ADK: variants seen among roughly 807,000 people sequenced by gnomAD.
ADK encodes the protein adenosine kinase, also known as N6,N6-dimethyladenosine kinase.
ADK carries 24 observed loss-of-function variants against 44.7 expected under a neutral mutation model. The observed-to-expected ratio is 0.54, with a 90% CI of 0.39 to 0.76. The LOEUF is 0.76. ADK is among the 30% of genes least tolerant of loss of function. The pLI, the probability that ADK is intolerant of heterozygous loss-of-function variation, is 0.00. For missense variants in ADK, 321 were observed against 425.1 expected (o/e 0.76, Z 2.15); for synonymous variants, 128 against 142.6 (o/e 0.90, Z 0.73).
intron 7 of ADK, among the ~76,000 whole-genome samples, chr10:74,554,689 A>T (rs888120795): frequency 6.6e-6 from 1 of 152,112 alleles, no homozygotes; most frequent in African/African-American, 2.4e-5. Context: ...TCATGCCTGA[A>T]ATCCTAGCAC....
chr10:74,670,530 T>C (rs1855131380), intron 10 of ADK, among the ~76,000 whole-genome samples: 1 of 152,196 alleles, frequency 6.6e-6, no homozygotes, highest in South Asian at 2.1e-4. Context: ...TGTCAGAAAA[T>C]TGCATAAACA....
chr10:74,372,188 G>C, intron 4 of ADK: 1 of 757,844 alleles, frequency 1.3e-6, no homozygotes, highest in Non-Finnish European at 2.4e-6. Context: ...CTGCTGAAAA[G>C]GCTGTGACCA....
chr10:74,481,477 T>C (rs1373481346), intron 6 of ADK, among the ~76,000 whole-genome samples: 2 of 152,200 alleles, frequency 1.3e-5, no homozygotes, highest in Non-Finnish European at 2.9e-5. Context: ...TCCATTTCTT[T>C]GATGGTTGCA....
chr10:74,371,945 A>G lies in ADK; in HGVS notation c.274-22196A>G, dbSNP rs200999057. 1.5e-5 allele frequency: 17 copies of G among 1,155,840 alleles called. No homozygotes were observed. In the Admixed American group the frequency reaches 1.7e-4, roughly 11 times the overall value. The allele number at this position is 1,155,840 out of a possible 1,614,324, so 71.6% of individuals were successfully genotyped here. ...CTGACCACCAGCCTCTCACAGAGGC[A>G]TCTTACGTTAACCTATCTACCGTTG... is the stretch of plus-strand genomic sequence containing the variant. On this transcript the variant is annotated intron_variant, in intron 4 of 10. Coordinates refer to ENST00000539909, the MANE Select transcript of ADK (RefSeq NM_006721.4).
chr10:74,431,107 A>T (rs1844979587), intron 6 of ADK, among the ~76,000 whole-genome samples: 1 of 144,220 alleles, frequency 6.9e-6, no homozygotes, highest in South Asian at 2.3e-4. Flanking sequence ...TGCCCATGTG[A>T]GAGATGATGG....
At chr10:74,668,447 TAA>T (rs1482219047) in intron 9 of ADK, among the ~76,000 whole-genome samples, 7 of 152,136 alleles carry the variant, frequency 4.6e-5, no homozygotes, top group Non-Finnish European at 1.0e-4. Flanking sequence ...TTCAGTTACT[TAA>T]AGAGTTTGGC....
intron 3 of ADK, among the ~76,000 whole-genome samples, chr10:74,267,786 G>C (rs74146343): frequency 2.5e-4 from 31 of 124,968 alleles, no homozygotes; most frequent in East Asian, 1.6e-3. Flanking sequence ...GTGTGTGTGT[G>C]TGTGTGTCTG....
chr10:74,467,686 A>G (rs1846412327), intron 6 of ADK, among the ~76,000 whole-genome samples: 1 of 152,054 alleles, frequency 6.6e-6, no homozygotes. Context: ...AGATTATGGG[A>G]GACTTGTCTC....
At chr10:74,222,671 C>G (rs919943217) in intron 2 of ADK, among the ~76,000 whole-genome samples, 3 of 152,114 alleles carry the variant, frequency 2.0e-5, no homozygotes, top group African/African-American at 7.2e-5. Flanking sequence ...CTATGGAATA[C>G]TATGCAGCCA....
intron 3 of ADK, among the ~76,000 whole-genome samples, chr10:74,268,274 CGCCACTGCACTCCAGCCT>C (rs1846292688): frequency 6.6e-6 from 1 of 151,974 alleles, no homozygotes; most frequent in South Asian, 2.1e-4. Context: ...AGCTCGATTG[CGCCACTGCACTCCAGCCT>C]AAGCAACAGA....
chr10:74,451,237 G>C (rs11001037), intron 6 of ADK, among the ~76,000 whole-genome samples: 3 of 151,098 alleles, frequency 2.0e-5, no homozygotes, highest in African/African-American at 7.3e-5. Context: ...GAGAGGGAGA[G>C]AGCAAAAAGT....
chr10:74,597,422 G>A (rs1851961718), intron 8 of ADK, among the ~76,000 whole-genome samples: 1 of 152,030 alleles, frequency 6.6e-6, no homozygotes, highest in Non-Finnish European at 1.5e-5. Flanking sequence ...GCTTTATTCT[G>A]GTTTCAACCG....
intron 6 of ADK, among the ~76,000 whole-genome samples, chr10:74,502,601 C>G (rs892257036): frequency 6.6e-6 from 1 of 151,956 alleles, no homozygotes; most frequent in Non-Finnish European, 1.5e-5. Flanking sequence ...TTTTTTGTTT[C>G]TTTCAATAGA....
intron 3 of ADK, among the ~76,000 whole-genome samples, chr10:74,275,183 G>A (rs1056656759): frequency 2.0e-5 from 3 of 152,094 alleles, no homozygotes; most frequent in African/African-American, 7.2e-5. Flanking sequence ...TTCTTCTCAT[G>A]TAGTCGACCT....
At chr10:74,367,127 A>G (rs940804244) in intron 4 of ADK, among the ~76,000 whole-genome samples, 2 of 152,316 alleles carry the variant, frequency 1.3e-5, no homozygotes, top group Non-Finnish European at 2.9e-5. Flanking sequence ...CAAATGCATT[A>G]TATCCTCCAT....
intron 5 of ADK, among the ~76,000 whole-genome samples, chr10:74,395,636 T>C (rs1420715930): frequency 2.0e-5 from 3 of 152,210 alleles, no homozygotes; most frequent in African/African-American, 4.8e-5. Flanking sequence ...GTTTTCCCAT[T>C]AGTGAGAAGT....
intron 2 of ADK, among the ~76,000 whole-genome samples, chr10:74,221,466 A>T (rs1426131001): frequency 6.6e-6 from 1 of 152,212 alleles, no homozygotes; most frequent in African/African-American, 2.4e-5. Context: ...TAGAGATTTA[A>T]TGCCATCCCC....
At chr10:74,469,359 C>A (rs1846475535) in intron 6 of ADK, among the ~76,000 whole-genome samples, 1 of 152,058 alleles carries the variant, frequency 6.6e-6, no homozygotes, top group South Asian at 2.1e-4. Context: ...TATTTTTTAA[C>A]CTTTTAATTT....
intron 1 of ADK, among the ~76,000 whole-genome samples, chr10:74,166,435 G>A (rs1044953149): frequency 6.6e-6 from 1 of 151,482 alleles, no homozygotes; most frequent in African/African-American, 2.4e-5. Context: ...TCCTCCCACC[G>A]CAGCCTCCCA....
Sources: allele counts gnomAD v4.1 joint callset (sites outside exome capture counted in the v4.1 genomes callset), GRCh38; gene constraint gnomAD v4.1.1; transcripts MANE v1.5; gene names NCBI Gene and HGNC (gene_info 2026-07-23, HGNC 2026-07-21).